CACNA2D1: variants seen among roughly 807,000 people sequenced by gnomAD.
CACNA2D1 encodes calcium voltage-gated channel auxiliary subunit alpha2delta 1.
In CACNA2D1, 53 loss-of-function variants were observed where a neutral mutation model predicts 171.5. That is an observed-to-expected ratio of 0.31 (90% CI 0.25 to 0.39). The LOEUF is 0.39. Ranked by LOEUF, CACNA2D1 falls within the 10% of genes least tolerant of loss-of-function variation. CACNA2D1 has a pLI of 1.00. For synonymous variants in CACNA2D1, 442 were observed against 443.1 expected (o/e 1.00, Z 0.03); for missense variants, 903 against 1,299.8 (o/e 0.69, Z 4.69).
intron 3 of CACNA2D1, among the ~76,000 whole-genome samples, chr7:82,244,538 A>G (rs1804683150): frequency 6.6e-6 from 1 of 152,140 alleles, no homozygotes; most frequent in Admixed American, 6.6e-5. Context: ...AACTTCTAAG[A>G]GGTATGCTGG....
intron 6 of CACNA2D1, among the ~76,000 whole-genome samples, chr7:82,095,780 T>C (rs1811788059): frequency 6.6e-6 from 1 of 152,184 alleles, no homozygotes; most frequent in South Asian, 2.1e-4. Flanking sequence ...GTAGAACATT[T>C]CCTTTTCTTT....
At chr7:82,278,122 C>A (rs1357454280) in intron 3 of CACNA2D1, among the ~76,000 whole-genome samples, 1 of 152,074 alleles carries the variant, frequency 6.6e-6, no homozygotes, top group Admixed American at 6.5e-5. Flanking sequence ...TGTATGTTAA[C>A]CTTCATTTAT....
intron 1 of CACNA2D1, among the ~76,000 whole-genome samples, chr7:82,350,639 C>T (rs1316169267): frequency 2.6e-5 from 4 of 151,970 alleles, no homozygotes; most frequent in African/African-American, 4.8e-5. Context: ...CACTCCAGCT[C>T]GGGCGACAGA....
At chr7:81,991,535 A>G (rs1304044914) in intron 20 of CACNA2D1, among the ~76,000 whole-genome samples, 1 of 152,248 alleles carries the variant, frequency 6.6e-6, no homozygotes, top group Non-Finnish European at 1.5e-5. Flanking sequence ...AAACAGGACT[A>G]TGAAGTATTT....
intron 1 of CACNA2D1, among the ~76,000 whole-genome samples, chr7:82,362,042 C>T (rs1821135607): frequency 6.6e-6 from 1 of 152,136 alleles, no homozygotes; most frequent in Admixed American, 6.6e-5. Context: ...ATTCAATCAT[C>T]TCAGATACAG....
chr7:82,133,990 G>A (rs559978932), intron 5 of CACNA2D1, among the ~76,000 whole-genome samples: 17 of 151,972 alleles, frequency 1.1e-4, no homozygotes, highest in East Asian at 9.7e-4. Context: ...GGAGAATGGC[G>A]TGAACCCAGG....
chr7:82,281,075 G>A (rs1341496107), intron 3 of CACNA2D1, among the ~76,000 whole-genome samples: 1 of 152,204 alleles, frequency 6.6e-6, no homozygotes, highest in Non-Finnish European at 1.5e-5. Flanking sequence ...GTGATTCAGT[G>A]TTAGTTGACT....
At chr7:82,081,370 C>T (rs973773879) in intron 7 of CACNA2D1, among the ~76,000 whole-genome samples, 1 of 152,088 alleles carries the variant, frequency 6.6e-6, no homozygotes, top group Non-Finnish European at 1.5e-5. Context: ...AAAACAGAAA[C>T]ACAATCGCCC....
chr7:81,985,468 C>T (rs1358421406), intron 21 of CACNA2D1, among the ~76,000 whole-genome samples: 10 of 152,008 alleles, frequency 6.6e-5, no homozygotes, highest in Admixed American at 5.2e-4. Flanking sequence ...TGAGCCTCCA[C>T]GCCTGGCCAT....
intron 28 of CACNA2D1, 54 bp from the exon 29 acceptor site, chr7:81,969,027 A>G (rs1795002690): frequency 2.0e-6 from 2 of 1,017,308 alleles, no homozygotes; most frequent in Admixed American, 3.6e-5. Context: ...GAATAATAAT[A>G]TTGATTTTCC....
intron 3 of CACNA2D1, among the ~76,000 whole-genome samples, chr7:82,333,196 A>G (rs1346347155): frequency 1.3e-5 from 2 of 152,222 alleles, no homozygotes; most frequent in African/African-American, 2.4e-5. Context: ...GTCTGAATCA[A>G]TATAATACAA....
At chr7:82,123,450 T>A (rs1387879240) in intron 5 of CACNA2D1, among the ~76,000 whole-genome samples, 1 of 152,214 alleles carries the variant, frequency 6.6e-6, no homozygotes, top group African/African-American at 2.4e-5. Context: ...GGATGAAATA[T>A]AAGCCAAATG....
In CACNA2D1 at chr7:82,364,595, T is replaced by G. The variant is rs182037368; in HGVS notation, c.96-14946A>C. Among the ~76,000 whole-genome samples, 497 of 152,350 alleles carry G rather than the reference T, an allele frequency of 3.3e-3. 6 individuals carry two copies. Among genetic ancestry groups the G allele is most frequent in the Non-Finnish European group, 4.7e-3 (323 of 68,036 alleles). On this transcript the variant is annotated intron_variant, in intron 1 of 38. Coordinates refer to ENST00000356860, the MANE Select transcript of CACNA2D1 (RefSeq NM_000722.4). Reference sequence around the variant, plus strand: ...GCTATCTAAGAAGTGCATAATATGCTTCTTTTATGTTAATGCCAGGGCTCG... The same window carrying G: ...GCTATCTAAGAAGTGCATAATATGCGTCTTTTATGTTAATGCCAGGGCTCG...
At chr7:81,976,846 C>G (rs1384281214) in intron 24 of CACNA2D1, among the ~76,000 whole-genome samples, 1 of 151,982 alleles carries the variant, frequency 6.6e-6, no homozygotes, top group Non-Finnish European at 1.5e-5. Flanking sequence ...AAAAGCGAGA[C>G]TGTATCTCAA....
chr7:82,082,154 C>T (rs1173275369), intron 7 of CACNA2D1, among the ~76,000 whole-genome samples: 1 of 152,196 alleles, frequency 6.6e-6, no homozygotes, highest in Non-Finnish European at 1.5e-5. Context: ...GGCTCTGGGG[C>T]TGGCTCAGCC....
chr7:82,085,063 T>C (rs2129011754), intron 6 of CACNA2D1, among the ~76,000 whole-genome samples, 163 bp from the exon 7 acceptor site: 1 of 152,318 alleles, frequency 6.6e-6, no homozygotes, highest in South Asian at 2.1e-4. Context: ...AGAGGACAGT[T>C]TGACTGGATC....
chr7:82,416,035 T>A (rs1277778188), intron 1 of CACNA2D1, among the ~76,000 whole-genome samples: 1 of 151,802 alleles, frequency 6.6e-6, no homozygotes, highest in East Asian at 1.9e-4. Flanking sequence ...ACCAACATGG[T>A]GAAACCTCAT....
At chr7:82,226,397 C>A (rs1255855015) in intron 3 of CACNA2D1, among the ~76,000 whole-genome samples, 6 of 152,142 alleles carry the variant, frequency 3.9e-5, no homozygotes, top group Non-Finnish European at 7.4e-5. Context: ...ATGAGGTAAG[C>A]AATTATGACA....
At chr7:82,026,473 T>C (rs950689760) in intron 12 of CACNA2D1, among the ~76,000 whole-genome samples, 6 of 151,804 alleles carry the variant, frequency 4.0e-5, no homozygotes, top group African/African-American at 1.4e-4. Context: ...TGAGCATTTA[T>C]ATTTTACTAA....
Sources: gnomAD v4.1 joint callset for allele counts (sites outside exome capture counted in the v4.1 genomes callset) on GRCh38, gnomAD v4.1.1 for gene constraint, MANE v1.5 for transcripts, NCBI Gene and HGNC (gene_info 2026-07-23, HGNC 2026-07-21) for gene names.